The following THAP12 variants were observed in gnomAD, a reference collection of about 807,000 sequenced individuals.
THAP12 encodes THAP domain containing 12, also known as 52 kDa repressor of the inhibitor of the protein kinase.
A neutral mutation model predicts 63.0 loss-of-function variants in THAP12; 20 were observed. The ratio of observed to expected loss-of-function variants is 0.32; its 90% CI spans 0.22 to 0.46. The LOEUF is 0.46. Ranked by LOEUF, THAP12 falls within the 20% of genes least tolerant of loss-of-function variation. The pLI, the probability that THAP12 is intolerant of heterozygous loss-of-function variation, is 1.00. For missense variants in THAP12, 568 were observed against 908.2 expected (o/e 0.63, Z 4.81); for synonymous variants, 264 against 328.4 (o/e 0.80, Z 2.12).
At chr11:76,380,556 T>C (rs897374161) in intron 1 of THAP12, among the ~76,000 whole-genome samples, 192 bp downstream of exon 1, 1 of 151,792 alleles carries the variant, frequency 6.6e-6, no homozygotes, top group Non-Finnish European at 1.5e-5. Context: ...TGCTCCGAGG[T>C]CCCCGGACGC....
At position 76,380,259 on chromosome 11, in the gene THAP12, G is replaced by A. The variant is rs186096442; in HGVS notation, c.89+489C>T. On this transcript the variant is annotated intron_variant, in intron 1 of 4. Coordinates refer to ENST00000260045, the MANE Select transcript of THAP12 (RefSeq NM_004705.4). ...TGAACCGTGCAATGACAAGTCCGAA[G>A]GAGAAAGCAGTTGCGATGAGATGAA... 4.3e-4 allele frequency among the ~76,000 whole-genome samples: 66 copies of A among 152,316 alleles called. 1 individual carries two copies. Among genetic ancestry groups the A allele is most frequent in the Non-Finnish European group, 7.6e-4 (52 of 68,028 alleles).
intron 2 of THAP12, among the ~76,000 whole-genome samples, chr11:76,364,736 A>C (rs892804104): frequency 5.3e-5 from 8 of 152,212 alleles, no homozygotes; most frequent in Non-Finnish European, 8.8e-5. Context: ...ATGAAATTAC[A>C]TATTATTGAT....
At chr11:76,366,399 T>A (rs757610258) in intron 1 of THAP12, among the ~76,000 whole-genome samples, 45 of 152,102 alleles carry the variant, frequency 3.0e-4, no homozygotes, top group Non-Finnish European at 4.4e-4. Flanking sequence ...AAATCAGCAA[T>A]TAGGCCGGGC....
intron 2 of THAP12, 116 bp from the exon 3 acceptor site, chr11:76,361,179 GAGACTT>G: frequency 1.6e-6 from 1 of 641,152 alleles, no homozygotes; most frequent in Non-Finnish European, 2.6e-6. Context: ...CTAAAGTATA[GAGACTT>G]ACAGAATTTG....
intron 3 of THAP12, chr11:76,359,041 A>G (rs1156349371): frequency 6.6e-6 from 1 of 152,180 alleles, no homozygotes; most frequent in Non-Finnish European, 1.5e-5. Context: ...TGCAGATGAT[A>G]CAATCAGTAA....
At chr11:76,372,613 CG>C (rs1474006688) in intron 1 of THAP12, among the ~76,000 whole-genome samples, 11 of 150,230 alleles carry the variant, frequency 7.3e-5, no homozygotes, top group Non-Finnish European at 5.9e-5. Flanking sequence ...AAAAAGGGAC[CG>C]GGCATGGTGG....
chr11:76,379,653 G>A (rs1320818334), intron 1 of THAP12, among the ~76,000 whole-genome samples: 2 of 152,114 alleles, frequency 1.3e-5, no homozygotes, highest in African/African-American at 4.8e-5. Flanking sequence ...AATAGCAATT[G>A]TGCGTCCCTT....
intron 1 of THAP12, among the ~76,000 whole-genome samples, chr11:76,367,371 C>T (rs904123746): frequency 1.4e-4 from 22 of 152,004 alleles, no homozygotes; most frequent in Non-Finnish European, 2.4e-4. Flanking sequence ...CCACCGCGCC[C>T]GGCCCATTCC....
intron 3 of THAP12, chr11:76,357,412 C>G (rs1443518579): frequency 2.6e-5 from 4 of 151,856 alleles, no homozygotes; most frequent in African/African-American, 9.7e-5. Flanking sequence ...AAAATAAAAA[C>G]TAAGGATTTC....
intron 2 of THAP12, among the ~76,000 whole-genome samples, chr11:76,363,496 A>C (rs1220856491): frequency 1.3e-5 from 2 of 152,254 alleles, no homozygotes; most frequent in African/African-American, 4.8e-5. Flanking sequence ...GACACGTGCC[A>C]CTGTGCCTTG....
Position 76,352,183 on chromosome 11 carries a change from C to T in THAP12, c.967G>A (p.Glu323Lys). 6.2e-7 allele frequency: 1 copy of T among 1,609,704 alleles called. No individual in the cohort carries two copies. Among genetic ancestry groups the T allele is most frequent in the South Asian group, 1.1e-5 (1 of 90,564 alleles). Residue 323 changes from glutamate (E) to lysine (K), a missense_variant, in exon 5 of 5, where the codon GAG (glutamate) becomes AAG (lysine). Coordinates refer to ENST00000260045, the MANE Select transcript of THAP12 (RefSeq NM_004705.4). ...MITEKWGLNM[E>K]YCRGQAYIVS... ...ATGTAAGCCTGGCCACGACAATACT[C>T]CATATTTAATCCCCACTTCTCAGTT...
At chr11:76,356,684 T>C (rs1190445618) in intron 3 of THAP12, 1 of 152,184 alleles carries the variant, frequency 6.6e-6, no homozygotes, top group African/African-American at 2.4e-5. Flanking sequence ...AGCATTTACA[T>C]TGTAGTAGGT....
At chr11:76,359,547 G>C (rs1409582423) in intron 3 of THAP12, 1 of 152,172 alleles carries the variant, frequency 6.6e-6, no homozygotes, top group African/African-American at 2.4e-5. Context: ...AATTCATATG[G>C]AGGAGGCCGG....
At chr11:76,363,359 C>A (rs1946610563) in intron 2 of THAP12, among the ~76,000 whole-genome samples, 1 of 152,056 alleles carries the variant, frequency 6.6e-6, no homozygotes, top group Admixed American at 6.6e-5. Flanking sequence ...TGAATGTTTA[C>A]TGATGAAATC....
At chr11:76,369,001 T>A (rs1027808003) in intron 1 of THAP12, among the ~76,000 whole-genome samples, 5 of 152,104 alleles carry the variant, frequency 3.3e-5, no homozygotes, top group African/African-American at 1.2e-4. Flanking sequence ...AATACATATA[T>A]CTAACAATGG....
At chr11:76,360,525 C>G (rs1946591364) in intron 3 of THAP12, among the ~76,000 whole-genome samples, 1 of 151,960 alleles carries the variant, frequency 6.6e-6, no homozygotes, top group African/African-American at 2.4e-5. Flanking sequence ...TTTTCTAAAC[C>G]CTGTACATAT....
At chr11:76,359,762 G>A (rs1946585248) in intron 3 of THAP12, among the ~76,000 whole-genome samples, 1 of 151,798 alleles carries the variant, frequency 6.6e-6, no homozygotes, top group African/African-American at 2.4e-5. Flanking sequence ...GGGAGGTGGA[G>A]GTTGCAGTGA....
intron 1 of THAP12, among the ~76,000 whole-genome samples, chr11:76,369,056 C>T (rs141600153): frequency 4.6e-5 from 7 of 151,934 alleles, no homozygotes; most frequent in African/African-American, 1.7e-4. Flanking sequence ...AAATAAATAA[C>T]CCAACATAAA....
intron 4 of THAP12, among the ~76,000 whole-genome samples, chr11:76,353,658 T>A (rs1382445477): frequency 6.6e-6 from 1 of 152,182 alleles, no homozygotes; most frequent in Non-Finnish European, 1.5e-5. Context: ...AGGTCAGTGG[T>A]GTCTGCAGGA....
Sources: allele counts gnomAD v4.1 joint callset (sites outside exome capture counted in the v4.1 genomes callset), GRCh38; gene constraint gnomAD v4.1.1; transcripts MANE v1.5; gene names NCBI Gene and HGNC (gene_info 2026-07-23, HGNC 2026-07-21).